CSMD2: variants seen among roughly 807,000 people sequenced by gnomAD.
CSMD2 encodes the protein CUB and Sushi multiple domains 2, also known as CUB and sushi domain-containing protein 2.
Under a neutral mutation model 398.5 loss-of-function variants are expected in CSMD2, and 130 were observed. That is an observed-to-expected ratio of 0.33 (90% CI 0.28 to 0.38). CSMD2 has a LOEUF of 0.38. Ranked by LOEUF, CSMD2 falls within the 10% of genes least tolerant of loss-of-function variation. The pLI is 1.00. For missense variants in CSMD2, 3,829 were observed against 4,764.9 expected, an observed-to-expected ratio of 0.80 and a Z score of 5.78; for synonymous variants, 1,828 against 1,908.5, an observed-to-expected ratio of 0.96 and a Z score of 1.10.
In CSMD2 at chr1:33,724,598, G is replaced by A. The variant is rs144521988; in HGVS notation, c.2802C>T (p.Asp934=). ...YVGALVTFSC[D]SGYTLSDGEP... ...CCCCGTCACTTAATGTGTAGCCCGA[G>A]TCACAGCTGAAGGTCACCAGCGCGC... is the stretch of plus-strand genomic sequence containing the variant. Residue 934 remains aspartate, a synonymous_variant, in exon 18 of 71, where the codon GAC becomes GAT. Coordinates refer to ENST00000373381, the MANE Select transcript of CSMD2 (RefSeq NM_001281956.2). 2.9e-4 allele frequency: 474 copies of A among 1,614,080 alleles called. No individual in the cohort carries two copies. The highest frequency in any genetic ancestry group is 3.7e-4 in the Non-Finnish European group (442 of 1,180,050).
chr1:33,762,645 C>T (rs955033221), intron 13 of CSMD2, among the ~76,000 whole-genome samples: 2 of 152,214 alleles, frequency 1.3e-5, no homozygotes, highest in Non-Finnish European at 2.9e-5. Context: ...GCCTGTGCTA[C>T]AATCTTCCAA....
chr1:33,553,754 A>G (rs1657685318), intron 55 of CSMD2, among the ~76,000 whole-genome samples: 1 of 152,172 alleles, frequency 6.6e-6, no homozygotes, highest in Non-Finnish European at 1.5e-5. Flanking sequence ...GAATAAGAAA[A>G]TGAAACAGCC....
chr1:33,835,714 C>CCAAA (rs1660160442), intron 6 of CSMD2, among the ~76,000 whole-genome samples: 5 of 135,162 alleles, frequency 3.7e-5, no homozygotes, highest in Non-Finnish European at 7.8e-5. Flanking sequence ...AAATACATTT[C>CCAAA]AAAAAAAAAA....
At chr1:33,703,979 T>G (rs537456808) in intron 22 of CSMD2, among the ~76,000 whole-genome samples, 2 of 152,364 alleles carry the variant, frequency 1.3e-5, no homozygotes, top group Non-Finnish European at 2.9e-5. Context: ...TTCTGTGAAT[T>G]GCCTGCCTTT....
Position 33,646,799 on chromosome 1 carries a change from G to C in CSMD2, c.4623C>G (p.Ile1541Met). The C allele has an allele frequency of 6.2e-7, 1 of 1,613,590 alleles. No individual in the cohort carries two copies. Among genetic ancestry groups the C allele is most frequent in the Non-Finnish European group, 8.5e-7 (1 of 1,179,750 alleles). ...GGCTGAGAGAGTCCCGTCCGTCGTA[G>C]ATATGGAGGAAGTCATAGCCAGGCT... ...NLEPGYDFLHIYDGRDSLSPL... is the reference protein window; with the variant it reads ...NLEPGYDFLHMYDGRDSLSPL... The change falls in exon 29 of 71, where the codon ATC (isoleucine) becomes ATG (methionine). Residue 1541 changes from isoleucine (I) to methionine (M), a missense_variant. Around this residue, in one of 5 missense-constraint regions of CSMD2, gnomAD observed 2,001 missense variants for 2,567.1 expected, o/e 0.78. Coordinates refer to ENST00000373381, the MANE Select transcript of CSMD2 (RefSeq NM_001281956.2).
At position 34,164,862 on chromosome 1, in the gene CSMD2, C is replaced by T. The variant is rs1438406949; in HGVS notation, c.187+49G>A. ...GTCGAGGATGGGTGGGCTCGGGGCT[C>T]GGGTGGGGCGCGCGGCGGCCGCTGG... is the stretch of plus-strand genomic sequence containing the variant. On this transcript the variant is annotated intron_variant, in intron 1 of 70. Transcript: ENST00000373381. The surrounding 1 kb of genome is among the most constrained non-coding windows in gnomAD (Gnocchi z 6.2). The T allele has an allele frequency of 2.0e-6, 2 of 1,023,808 alleles. No individual in the cohort carries two copies. The highest frequency in any genetic ancestry group is 1.2e-6 in the Non-Finnish European group (1 of 856,746). The allele number at this position is 1,023,808 out of a possible 1,614,324, so 63.4% of individuals were successfully genotyped here. A position where few individuals can be genotyped will look rare whatever the true frequency, so the allele number is the denominator to read the frequency against.
Position 33,725,410 on chromosome 1 carries a change from G to C in CSMD2, c.2634C>G (p.Leu878=). 6.2e-7 allele frequency: 1 copy of C among 1,614,180 alleles called. No individual in the cohort carries two copies. The highest frequency in any genetic ancestry group is 2.2e-5 in the East Asian group (1 of 44,880). The change falls in exon 17 of 71, where the codon CTC becomes CTG. Residue 878 remains leucine, a synonymous_variant. Transcript: ENST00000373381. ...TCTTGTCGGTAGAGAAGAGGAGGTA[G>C]AGGTAGTTGCTGGTGCTGATGAGGA... ...PQFLISTSNY[L]YLLFSTDKSH...
chr1:33,517,315 A>G (rs1653853467), intron 70 of CSMD2, among the ~76,000 whole-genome samples: 1 of 152,090 alleles, frequency 6.6e-6, no homozygotes, highest in South Asian at 2.1e-4. Context: ...CAAGGGGCCA[A>G]TGCTGAGGGC....
chr1:33,976,035 A>T (rs1645951019), intron 3 of CSMD2, among the ~76,000 whole-genome samples: 1 of 152,140 alleles, frequency 6.6e-6, no homozygotes, highest in African/African-American at 2.4e-5. Flanking sequence ...CACATATTTC[A>T]TTTCTCTATT....
In CSMD2 at chr1:33,625,008, T is replaced by C. The variant is rs1378449758; in HGVS notation, c.5500+43A>G. 1.9e-6 allele frequency: 3 copies of C among 1,591,682 alleles called. No homozygotes were observed. In the Admixed American group the frequency reaches 5.0e-5, roughly 27 times the overall value. On this transcript the variant is annotated intron_variant, in intron 34 of 70. Transcript: ENST00000373381. ...CCTCCCCTACAGAGAAAGGACTACG[T>C]GCCGCCCCCCGCACCCTCAACGCCC...
At chr1:33,676,714 A>G (rs967550450) in intron 25 of CSMD2, among the ~76,000 whole-genome samples, 4 of 152,228 alleles carry the variant, frequency 2.6e-5, no homozygotes, top group African/African-American at 9.6e-5. Context: ...AAACTATACT[A>G]CAAGGCTACA....
intron 56 of CSMD2, among the ~76,000 whole-genome samples, chr1:33,549,837 C>T (rs934983142): frequency 6.6e-6 from 1 of 152,110 alleles, no homozygotes; most frequent in African/African-American, 2.4e-5. Flanking sequence ...CTGAGCTGAT[C>T]AACAGGAAGA....
intron 3 of CSMD2, among the ~76,000 whole-genome samples, chr1:33,965,520 G>A (rs569541396): frequency 5.9e-5 from 9 of 152,236 alleles, no homozygotes; most frequent in South Asian, 4.1e-4. Context: ...CTTGTGCCTC[G>A]GCTTGATGCT....
At chr1:33,751,428 G>A (rs1282788227) in intron 13 of CSMD2, among the ~76,000 whole-genome samples, 1 of 152,148 alleles carries the variant, frequency 6.6e-6, no homozygotes, top group Non-Finnish European at 1.5e-5. Context: ...AGCAACATGA[G>A]ACTCATTGGT....
At chr1:33,933,621 C>G (rs948204323) in intron 4 of CSMD2, among the ~76,000 whole-genome samples, 1 of 152,046 alleles carries the variant, frequency 6.6e-6, no homozygotes, top group African/African-American at 2.4e-5. Context: ...ATCCTTAAGG[C>G]AGGGGGTGGG....
At chr1:34,013,662 C>G (rs2148077537) in intron 3 of CSMD2, among the ~76,000 whole-genome samples, 1 of 152,292 alleles carries the variant, frequency 6.6e-6, no homozygotes, top group South Asian at 2.1e-4. Context: ...GAACCAGAAA[C>G]AGACATAACT....
intron 3 of CSMD2, among the ~76,000 whole-genome samples, chr1:33,962,990 C>T (rs1353752363): frequency 2.0e-5 from 3 of 152,110 alleles, no homozygotes; most frequent in Non-Finnish European, 4.4e-5. Flanking sequence ...CGTAGTTGGC[C>T]CTCAGTAAAT....
At chr1:33,724,072 A>T (rs1179737052) in intron 19 of CSMD2, 125 bp downstream of exon 19, 10 of 690,114 alleles carry the variant, frequency 1.4e-5, no homozygotes, top group Non-Finnish European at 2.4e-5. Flanking sequence ...TGTTGGTGAG[A>T]AAAGTTCAGA....
intron 64 of CSMD2, 134 bp downstream of exon 64, chr1:33,532,916 C>G: frequency 2.2e-6 from 2 of 897,242 alleles, no homozygotes; most frequent in South Asian, 3.7e-5. Context: ...GACTCAAAAC[C>G]TTAGAAAATC....
Sources: allele counts gnomAD v4.1 joint callset (sites outside exome capture counted in the v4.1 genomes callset), GRCh38; gene constraint gnomAD v4.1.1; regional missense constraint gnomAD v4.1.1; non-coding constraint Gnocchi (gnomAD v3.1); transcripts MANE v1.5; gene names NCBI Gene and HGNC (gene_info 2026-07-23, HGNC 2026-07-21).